ATP7B: variants seen among roughly 807,000 people sequenced by gnomAD.
ATP7B encodes the protein ATPase copper transporting beta.
A neutral mutation model predicts 118.9 loss-of-function variants in ATP7B; 113 were observed. That is an observed-to-expected ratio of 0.95 (90% CI 0.82 to 1.11). ATP7B has a LOEUF of 1.11. Ranked by LOEUF, ATP7B falls within the 50% of genes most tolerant of loss-of-function variation. The pLI is 0.00. For missense variants in ATP7B, 1,867 were observed against 1,871.4 expected (o/e 1.00, Z 0.04); for synonymous variants, 777 against 727.4 (o/e 1.07, Z -1.10).
At chr13:51,939,652 G>T (rs540889779) in intron 16 of ATP7B, among the ~76,000 whole-genome samples, 86 of 102,948 alleles carry the variant, frequency 8.4e-4, no homozygotes, top group Middle Eastern at 6.1e-3. Context: ...ATTTCTCTTT[G>T]AGTGAATCTT....
In ATP7B at chr13:52,004,031, G is replaced by A. The variant is rs1460474706; in HGVS notation, c.51+7256C>T. ...CCAGCACTTTGGGAGGCCGAGGGGG[G>A]CGGATTACCTGAGGTCAGGAGTTCA... is the stretch of plus-strand genomic sequence containing the variant. On this transcript the variant is annotated intron_variant, in intron 1 of 20. Coordinates refer to ENST00000242839, the MANE Select transcript of ATP7B (RefSeq NM_000053.4). Among the ~76,000 whole-genome samples the A allele has an allele frequency of 3.3e-5, 5 of 152,320 alleles. No homozygotes were observed. In the East Asian group the frequency reaches 7.7e-4, roughly 23 times the overall value.
chr13:51,956,597 T>C (rs927266025), intron 9 of ATP7B, among the ~76,000 whole-genome samples: 3 of 152,088 alleles, frequency 2.0e-5, no homozygotes, highest in Admixed American at 2.0e-4. Context: ...GCTAGCTGTG[T>C]AGGCTGAGGG....
intron 1 of ATP7B, among the ~76,000 whole-genome samples, chr13:51,982,462 G>T (rs1457523647): frequency 1.3e-5 from 2 of 152,136 alleles, no homozygotes; most frequent in Non-Finnish European, 2.9e-5. Context: ...CAATTAAGAT[G>T]ATCTTTGGAG....
intron 4 of ATP7B, 151 bp downstream of exon 4, chr13:51,968,293 G>A (rs541016890): frequency 2.1e-5 from 25 of 1,179,356 alleles, no homozygotes; most frequent in African/African-American, 7.6e-5. Flanking sequence ...CATTGTTGTC[G>A]GCTTCAAAGG....
At chr13:51,939,319 CAA>C in intron 16 of ATP7B, 126 bp from the exon 17 acceptor site, 1 of 1,443,178 alleles carries the variant, frequency 6.9e-7, no homozygotes, top group Non-Finnish European at 9.4e-7. Context: ...TTATATAACA[CAA>C]TGTGGTTTTT....
intron 2 of ATP7B, 97 bp from the exon 3 acceptor site, chr13:51,970,846 C>T: frequency 8.2e-7 from 1 of 1,220,546 alleles, no homozygotes; most frequent in Non-Finnish European, 1.2e-6. Context: ...GTTCATTGTC[C>T]CGGCTCCCAC....
In ATP7B at chr13:51,944,246, C is replaced by T. The variant is rs761147984; in HGVS notation, c.3106G>A (p.Val1036Ile). The T allele has an allele frequency of 5.1e-5, 82 of 1,613,962 alleles. No individual in the cohort carries two copies. The highest frequency in any genetic ancestry group is 8.8e-5 in the South Asian group (8 of 91,090). The stretch of plus-strand genomic sequence containing the variant: ...AGGAGCACCCGCATGACCCTGGGGA[C>T]GCCATGGGTAATGGTGCCAGTCTTG... The part of the protein sequence containing the change: ...FDKTGTITHG[V>I]PRVMRVLLLG... The change falls in exon 14 of 21, where the codon GTC (valine) becomes ATC (isoleucine). Residue 1036 changes from valine to isoleucine, a missense_variant. Transcript: ENST00000242839.
chr13:51,993,496 G>A (rs990927650), intron 1 of ATP7B, among the ~76,000 whole-genome samples: 5 of 152,110 alleles, frequency 3.3e-5, no homozygotes, highest in African/African-American at 1.2e-4. Context: ...CCGGAAGGTC[G>A]AGGGTGCTAT....
intron 19 of ATP7B, among the ~76,000 whole-genome samples, chr13:51,937,019 A>G (rs1005295308): frequency 1.8e-4 from 27 of 152,194 alleles, no homozygotes; most frequent in Non-Finnish European, 3.2e-4. Flanking sequence ...CCACAATAAA[A>G]TAGGGATCAG....
intron 1 of ATP7B, among the ~76,000 whole-genome samples, chr13:52,008,155 C>G (rs1170307354): frequency 1.3e-5 from 2 of 152,060 alleles, no homozygotes; most frequent in Non-Finnish European, 2.9e-5. Context: ...CCCTGACCAA[C>G]ATGGTGAAAC....
intron 9 of ATP7B, among the ~76,000 whole-genome samples, chr13:51,953,009 C>A (rs1004988730): frequency 6.6e-5 from 10 of 152,278 alleles, no homozygotes; most frequent in African/African-American, 2.2e-4. Flanking sequence ...AAGACACACA[C>A]AGAAAGTTCA....
chr13:51,952,068 T>C (rs920879039), intron 9 of ATP7B, among the ~76,000 whole-genome samples: 1 of 152,108 alleles, frequency 6.6e-6, no homozygotes, highest in Admixed American at 6.5e-5. Context: ...AAGGCTTTTG[T>C]GAAGGAACAG....
rs751612293 is a variant in ATP7B at position 51,965,047 on chromosome 13, T to C, written c.1708-14A>G. The C allele has an allele frequency of 1.2e-5, 19 of 1,613,706 alleles. No individual in the cohort carries two copies. The highest frequency in any genetic ancestry group is 2.7e-5 in the African/African-American group (2 of 74,874). ...CATCCCTGTGATCTGCAACACAGGA[T>C]GGCAAGAATCCCACAGACCCAGGAT... On this transcript the variant is annotated splice_polypyrimidine_tract_variant and intron_variant, in intron 4 of 20. Transcript: ENST00000242839.
intron 1 of ATP7B, among the ~76,000 whole-genome samples, chr13:51,980,691 C>G (rs970862283): frequency 6.6e-6 from 1 of 152,224 alleles, no homozygotes; most frequent in African/African-American, 2.4e-5. Context: ...AAAATACTAA[C>G]TCATGTACAA....
intron 3 of ATP7B, among the ~76,000 whole-genome samples, chr13:51,969,571 C>T (rs552834719): frequency 6.6e-6 from 1 of 152,058 alleles, no homozygotes; most frequent in African/African-American, 2.4e-5. Flanking sequence ...ATCTTGCTAA[C>T]ACTATTGTGT....
intron 9 of ATP7B, among the ~76,000 whole-genome samples, chr13:51,951,225 C>G (rs971239122): frequency 2.6e-5 from 4 of 151,914 alleles, no homozygotes; most frequent in Admixed American, 6.6e-5. Context: ...CATGTGTTAA[C>G]AAGATGTGAA....
At chr13:51,941,033 A>G in intron 16 of ATP7B, 48 bp downstream of exon 16, 5 of 1,613,332 alleles carry the variant, frequency 3.1e-6, no homozygotes, top group Non-Finnish European at 4.2e-6. Flanking sequence ...ATATCTGCAG[A>G]AAACTGTATT....
chr13:51,935,401 C>T (rs1397187991), intron 20 of ATP7B, among the ~76,000 whole-genome samples, 192 bp downstream of exon 20: 2 of 152,246 alleles, frequency 1.3e-5, no homozygotes, highest in Non-Finnish European at 2.9e-5. Flanking sequence ...CGTGAATGGG[C>T]AGCAGTGAAT....
chr13:51,966,687 ATGCTGC>A, intron 4 of ATP7B: 1 of 1,415,594 alleles, frequency 7.1e-7, no homozygotes, highest in Non-Finnish European at 9.8e-7. Context: ...CAGACACAGC[ATGCTGC>A]CATGCCGACG....
Sources: allele counts gnomAD v4.1 joint callset (sites outside exome capture counted in the v4.1 genomes callset), GRCh38; gene constraint gnomAD v4.1.1; transcripts MANE v1.5; gene names NCBI Gene and HGNC (gene_info 2026-07-23, HGNC 2026-07-21).